RGS18: variants seen among roughly 807,000 people sequenced by gnomAD.
RGS18 encodes regulator of G-protein signaling 18.
RGS18 carries 22 observed loss-of-function variants against 27.6 expected under a neutral mutation model. The observed-to-expected ratio is 0.80, with a 90% CI of 0.57 to 1.14. The LOEUF (loss-of-function observed/expected upper bound fraction) is 1.14, where lower values mean the gene tolerates loss of function less well. Ranked by LOEUF, RGS18 falls within the 50% of genes most tolerant of loss-of-function variation. The pLI is 0.00. For synonymous variants in RGS18, 89 were observed against 84.6 expected (o/e 1.05, Z -0.29); for missense variants, 299 against 269.6 (o/e 1.11, Z -0.76).
At chr1:192,168,503 A>C (rs1206360686) in intron 3 of RGS18, 1 of 152,168 alleles carries the variant, frequency 6.6e-6, no homozygotes, top group Non-Finnish European at 1.5e-5. Context: ...ATAGTAACAA[A>C]GGGCTTTTGC....
intron 4 of RGS18, among the ~76,000 whole-genome samples, chr1:192,182,737 T>G (rs1656477788): frequency 6.6e-6 from 1 of 151,622 alleles, no homozygotes. Context: ...TTAGATTCAT[T>G]CACTTATTCA....
rs1238198934 is a variant in RGS18, at chr1:192,184,686, A to G, written c.*132A>G. ...TGTGAAATTATTTTAAAAATGTAAA[A>G]ACAAAACTTTCTGCTAACAAAATAC... On this transcript the variant is annotated 3_prime_UTR_variant, in exon 5 of 5. Transcript: ENST00000367460. The G allele has an allele frequency of 2.2e-6, 2 of 892,758 alleles. No individual in the cohort carries two copies. Among genetic ancestry groups the G allele is most frequent in the African/African-American group, 3.4e-5 (2 of 58,632 alleles). The allele number at this position is 892,758 out of a possible 1,614,324, so 55.3% of individuals were successfully genotyped here.
intron 3 of RGS18, among the ~76,000 whole-genome samples, chr1:192,172,631 CAG>C (rs1473003834): frequency 6.6e-6 from 1 of 151,810 alleles, no homozygotes; most frequent in East Asian, 1.9e-4. Context: ...AAGCCAGCAG[CAG>C]AGTCAGGTCC....
intron 2 of RGS18, among the ~76,000 whole-genome samples, chr1:192,159,882 A>C (rs1656040247): frequency 6.6e-6 from 1 of 152,046 alleles, no homozygotes; most frequent in Non-Finnish European, 1.5e-5. Context: ...TTCTATTAAA[A>C]TATCTTATAT....
chr1:192,178,341 A>G (rs1656392445), intron 3 of RGS18, among the ~76,000 whole-genome samples: 1 of 151,644 alleles, frequency 6.6e-6, no homozygotes, highest in Non-Finnish European at 1.5e-5. Flanking sequence ...ATGAACTTGG[A>G]GCTCAGGAAA....
At chr1:192,170,567 T>C (rs1656236781) in intron 3 of RGS18, among the ~76,000 whole-genome samples, 2 of 151,998 alleles carry the variant, frequency 1.3e-5, no homozygotes, top group Admixed American at 1.3e-4. Context: ...GGTATTCCTT[T>C]ATAGCAATGC....
At chr1:192,177,616 C>T in intron 3 of RGS18, among the ~76,000 whole-genome samples, 1 of 151,830 alleles carries the variant, frequency 6.6e-6, no homozygotes, top group South Asian at 2.1e-4. Context: ...ATATGAAGGA[C>T]ACCCAACTCG....
intron 3 of RGS18, among the ~76,000 whole-genome samples, chr1:192,178,578 CAT>C (rs1382404804): frequency 2.6e-5 from 4 of 151,296 alleles, no homozygotes; most frequent in East Asian, 3.9e-4. Context: ...GATGAAATAA[CAT>C]ATGGATGGAA....
At chr1:192,182,230 A>G (rs965379161) in intron 4 of RGS18, among the ~76,000 whole-genome samples, 2 of 151,536 alleles carry the variant, frequency 1.3e-5, no homozygotes. Context: ...GCTGGATCGT[A>G]TGATAGTTTT....
chr1:192,162,042 C>A (rs552457577), intron 3 of RGS18, among the ~76,000 whole-genome samples: 2 of 152,212 alleles, frequency 1.3e-5, no homozygotes, highest in Non-Finnish European at 1.5e-5. Context: ...GTAGAGAAAT[C>A]AAGGCTTAAA....
intron 3 of RGS18, among the ~76,000 whole-genome samples, chr1:192,166,282 C>T (rs1656161548): frequency 1.3e-5 from 2 of 151,892 alleles, no homozygotes; most frequent in South Asian, 2.1e-4. Flanking sequence ...TAGAAGATCA[C>T]TATAAGAGAT....
intron 3 of RGS18, among the ~76,000 whole-genome samples, chr1:192,172,879 A>ATATATATT (rs1656287693): frequency 7.2e-6 from 1 of 139,638 alleles, no homozygotes; most frequent in Admixed American, 7.3e-5. Flanking sequence ...ATATATATAT[A>ATATATATT]TATAAATATA....
chr1:192,161,927 T>G (rs559940488), intron 3 of RGS18, among the ~76,000 whole-genome samples: 1 of 152,220 alleles, frequency 6.6e-6, no homozygotes, highest in Non-Finnish European at 1.5e-5. Context: ...TTTCATGTTC[T>G]TCTGAATTTA....
rs372172857 is a variant in RGS18 at position 192,182,975 on chromosome 1, A to C, written c.451-1322A>C. Among the ~76,000 whole-genome samples the C allele has an allele frequency of 2.6e-5, 4 of 151,682 alleles. No homozygotes were observed. The South Asian group carries it at 6.2e-4, about 24-fold the overall frequency. On this transcript the variant is annotated intron_variant, in intron 4 of 4. Transcript: ENST00000367460. Reference sequence around the variant, plus strand: ...CTAGGCAAGTTTTCAAGTGGAAAACAATTGAGATTTTCTTTTACTCCATAC... The same window carrying C: ...CTAGGCAAGTTTTCAAGTGGAAAACCATTGAGATTTTCTTTTACTCCATAC...
intron 3 of RGS18, among the ~76,000 whole-genome samples, chr1:192,177,154 T>C (rs1656372320): frequency 6.6e-6 from 1 of 151,830 alleles, no homozygotes; most frequent in African/African-American, 2.4e-5. Context: ...ACTAGAATAT[T>C]AATTAAATGT....
chr1:192,185,034 A>T lies in RGS18; in HGVS notation c.*480A>T, dbSNP rs1656524826. The T allele has an allele frequency of 6.3e-6, 1 of 158,020 alleles. No homozygotes were observed. Among genetic ancestry groups the T allele is most frequent in the African/African-American group, 2.4e-5 (1 of 41,380 alleles). The allele number at this position is 158,020 out of a possible 1,614,324, so 9.8% of individuals were successfully genotyped here. A position where few individuals can be genotyped will look rare whatever the true frequency, so the allele number is the denominator to read the frequency against. On this transcript the variant is annotated 3_prime_UTR_variant, in exon 5 of 5. Transcript: ENST00000367460. ...ATAGTGTAGAAGTGATCTGGTTCTTACAATGGGAGATGAAGAACATTTATT... is the reference window on the plus strand; with the variant it reads ...ATAGTGTAGAAGTGATCTGGTTCTTTCAATGGGAGATGAAGAACATTTATT...
At chr1:192,173,267 C>T (rs1161873226) in intron 3 of RGS18, among the ~76,000 whole-genome samples, 1 of 151,882 alleles carries the variant, frequency 6.6e-6, no homozygotes, top group Non-Finnish European at 1.5e-5. Context: ...TTTTTTCAGC[C>T]ATAATGCCAG....
intron 3 of RGS18, among the ~76,000 whole-genome samples, chr1:192,173,832 AT>A (rs1485629235): frequency 6.6e-6 from 1 of 151,750 alleles, no homozygotes; most frequent in African/African-American, 2.4e-5. Flanking sequence ...GTTTTATTTT[AT>A]TAATGTTTTA....
chr1:192,171,887 C>G (rs953305418), intron 3 of RGS18, among the ~76,000 whole-genome samples: 4 of 152,056 alleles, frequency 2.6e-5, no homozygotes, highest in African/African-American at 9.7e-5. Context: ...CTTACCACAA[C>G]TACGGTGATT....
Sources: allele counts gnomAD v4.1 joint callset (sites outside exome capture counted in the v4.1 genomes callset), GRCh38; gene constraint gnomAD v4.1.1; transcripts MANE v1.5; gene names NCBI Gene and HGNC (gene_info 2026-07-23, HGNC 2026-07-21).